CES1: variants seen among roughly 807,000 people sequenced by gnomAD.
The protein encoded by CES1 is carboxylesterase 1.
In CES1, 50 loss-of-function variants were observed where a neutral mutation model predicts 53.0. That is an observed-to-expected ratio of 0.94 (90% confidence interval 0.75 to 1.19). The LOEUF is 1.19. Ranked by LOEUF, CES1 falls within the 50% of genes most tolerant of loss-of-function variation. The pLI is 0.00. For missense variants in CES1, 534 were observed against 538.0 expected (o/e 0.99, Z 0.07); for synonymous variants, 202 against 210.1 (o/e 0.96, Z 0.33).
chr16:55,812,908 G>C lies in CES1; in HGVS notation c.1081C>G (p.Pro361Ala). 6.2e-7 allele frequency: 1 copy of C among 1,614,130 alleles called. No homozygotes were observed. Among genetic ancestry groups the C allele is most frequent in the East Asian group, 2.2e-5 (1 of 44,892 alleles). The change falls in exon 9 of 14, where the codon CCA becomes GCA. Residue 361 changes from proline to alanine, a missense_variant. Around this residue, in one of 5 missense-constraint regions of CES1, gnomAD observed 269 missense variants for 206.6 expected, o/e 1.30. Coordinates refer to ENST00000360526, the MANE Select transcript of CES1 (RefSeq NM_001025195.2). Reference sequence around the variant, plus strand: ...ACAGACATGTGCCTTCTCACCATTGGAATCAACCAGCCAAACTCCTGCTTG... The same window carrying C: ...ACAGACATGTGCCTTCTCACCATTGCAATCAACCAGCCAAACTCCTGCTTG... ...INKQEFGWLIPMQLMSYPLSE... is the reference protein window; with the variant it reads ...INKQEFGWLIAMQLMSYPLSE...
intron 8 of CES1, among the ~76,000 whole-genome samples, chr16:55,816,543 G>C (rs1390436362): frequency 6.6e-6 from 1 of 152,220 alleles, no homozygotes; most frequent in Non-Finnish European, 1.5e-5. Flanking sequence ...CTTGGACTGA[G>C]ATTTAGGCTT....
At chr16:55,815,070 G>C (rs1161869027) in intron 8 of CES1, among the ~76,000 whole-genome samples, 3 of 152,232 alleles carry the variant, frequency 2.0e-5, no homozygotes, top group Non-Finnish European at 4.4e-5. Context: ...GTGAGGAAAG[G>C]AGTGAGAATT....
At chr16:55,831,733 C>T (rs2032684081) in intron 1 of CES1, among the ~76,000 whole-genome samples, 1 of 149,896 alleles carries the variant, frequency 6.7e-6, no homozygotes, top group East Asian at 2.0e-4. Context: ...AGTTCCAGAG[C>T]TCTCGCAGTG....
chr16:55,829,809 C>T (rs747029895), intron 1 of CES1, among the ~76,000 whole-genome samples: 44 of 152,238 alleles, frequency 2.9e-4, no homozygotes, highest in Admixed American at 1.2e-3. Flanking sequence ...CTTCTGGTGG[C>T]CCTGGGCAGG....
Position 55,812,884 on chromosome 16 carries a change from C to A in CES1, c.1086+19G>T, listed in dbSNP as rs756481803. On this transcript the variant is annotated intron_variant, in intron 9 of 13. Coordinates refer to ENST00000360526, the MANE Select transcript of CES1 (RefSeq NM_001025195.2). The stretch of plus-strand genomic sequence containing the variant: ...GATGGGGGTGGTTGAGTCCCTCCAA[C>A]AGACATGTGCCTTCTCACCATTGGA... The A allele has an allele frequency of 6.2e-7, 1 of 1,613,834 alleles. No individual in the cohort carries two copies. Among genetic ancestry groups the A allele is most frequent in the South Asian group, 1.1e-5 (1 of 91,074 alleles).
intron 7 of CES1, among the ~76,000 whole-genome samples, chr16:55,817,825 G>A (rs1292725112): frequency 6.6e-6 from 1 of 152,076 alleles, no homozygotes; most frequent in Non-Finnish European, 1.5e-5. Flanking sequence ...TAATCATGGA[G>A]GTGCTTCCAC....
chr16:55,829,981 C>T (rs1439641999), intron 1 of CES1, among the ~76,000 whole-genome samples: 1 of 152,222 alleles, frequency 6.6e-6, no homozygotes, highest in Non-Finnish European at 1.5e-5. Flanking sequence ...CTGCCCACCC[C>T]TCAGGTCCTA....
At chr16:55,825,728 T>A (rs2032389867) in intron 3 of CES1, among the ~76,000 whole-genome samples, 1 of 152,204 alleles carries the variant, frequency 6.6e-6, no homozygotes, top group South Asian at 2.1e-4. Context: ...CCCTACTGGG[T>A]GACCTCCCCT....
intron 3 of CES1, among the ~76,000 whole-genome samples, chr16:55,825,193 A>G (rs1168371131): frequency 6.6e-6 from 1 of 152,112 alleles, no homozygotes; most frequent in Non-Finnish European, 1.5e-5. Context: ...TGAATGAATG[A>G]ATGAATGAAT....
intron 4 of CES1, among the ~76,000 whole-genome samples, 183 bp from the exon 5 acceptor site, chr16:55,821,704 T>C (rs1255736792): frequency 6.6e-6 from 1 of 152,220 alleles, no homozygotes; most frequent in African/African-American, 2.4e-5. Context: ...TTCACACAAC[T>C]GGCAACTATT....
chr16:55,811,210 C>CAAA (rs147594975), intron 9 of CES1, among the ~76,000 whole-genome samples, 200 bp from the exon 10 acceptor site: 56 of 139,322 alleles, frequency 4.0e-4, no homozygotes, highest in African/African-American at 1.4e-3. Flanking sequence ...GCAAAGTTTA[C>CAAA]AAAAAAAAAA....
At chr16:55,829,941 A>G (rs1235070041) in intron 1 of CES1, among the ~76,000 whole-genome samples, 1 of 152,244 alleles carries the variant, frequency 6.6e-6, no homozygotes, top group Non-Finnish European at 1.5e-5. Flanking sequence ...TCTGATCTGC[A>G]GCCTGTGGCC....
chr16:55,825,375 C>T (rs2142346598), intron 3 of CES1, among the ~76,000 whole-genome samples: 1 of 152,316 alleles, frequency 6.6e-6, no homozygotes, highest in South Asian at 2.1e-4. Context: ...CTGGGTGCCT[C>T]CTTTGCCAGC....
At chr16:55,810,329 T>A (rs2031630842) in intron 11 of CES1, among the ~76,000 whole-genome samples, 188 bp downstream of exon 11, 1 of 150,834 alleles carries the variant, frequency 6.6e-6, no homozygotes, top group Admixed American at 6.6e-5. Flanking sequence ...GCCTCTGGAT[T>A]TTTTTTTCTC....
chr16:55,832,129 T>C (rs1284198556), intron 1 of CES1, among the ~76,000 whole-genome samples: 31 of 152,224 alleles, frequency 2.0e-4, no homozygotes, highest in Non-Finnish European at 3.5e-4. Flanking sequence ...GAACAGCCCC[T>C]GTGCCCCAGA....
At chr16:55,829,997 C>T (rs1173833076) in intron 1 of CES1, among the ~76,000 whole-genome samples, 3 of 152,330 alleles carry the variant, frequency 2.0e-5, no homozygotes, top group Admixed American at 1.3e-4. Context: ...TCCTATCTGG[C>T]TCCAGTCACC....
chr16:55,822,094 A>G (rs141678034), intron 4 of CES1, among the ~76,000 whole-genome samples: 1,772 of 152,360 alleles, frequency 0.012, 37 homozygotes, highest in African/African-American at 0.041. Context: ...CCTGGGGCCC[A>G]GTGAAAGAAA....
intron 2 of CES1, among the ~76,000 whole-genome samples, chr16:55,827,557 T>A (rs1300547124): frequency 1.3e-5 from 2 of 152,094 alleles, no homozygotes; most frequent in Non-Finnish European, 2.9e-5. Context: ...GACTCAGAAA[T>A]GTCATTTCTG....
At chr16:55,811,936 A>G (rs1196065838) in intron 9 of CES1, among the ~76,000 whole-genome samples, 1 of 152,158 alleles carries the variant, frequency 6.6e-6, no homozygotes, top group East Asian at 1.9e-4. Flanking sequence ...TGTCCTAAAG[A>G]TAAGAGGAGT....
Sources: allele counts gnomAD v4.1 joint callset (sites outside exome capture counted in the v4.1 genomes callset), GRCh38; gene constraint gnomAD v4.1.1; regional missense constraint gnomAD v4.1.1; transcripts MANE v1.5; gene names NCBI Gene and HGNC (gene_info 2026-07-23, HGNC 2026-07-21).